Variants in PTPRD observed in about 807,000 individuals in gnomAD.
The protein encoded by PTPRD is protein tyrosine phosphatase receptor type D, also known as receptor-type tyrosine-protein phosphatase delta.
Under a neutral mutation model 214.5 loss-of-function variants are expected in PTPRD, and 34 were observed. The ratio of observed to expected loss-of-function variants is 0.16; its 90% CI spans 0.12 to 0.21. The LOEUF is 0.21. Among genes scored for constraint, PTPRD ranks in the 10% least tolerant of loss-of-function variants. The probability of loss-of-function intolerance (pLI) is 1.00; values close to 1 mark genes in which losing one functional copy is unlikely to be tolerated. For missense variants in PTPRD, 2,545 were observed against 2,398.7 expected, an observed-to-expected ratio of 1.06 and a Z score of -1.27; for synonymous variants, 1,128 against 845.7, an observed-to-expected ratio of 1.33 and a Z score of -5.79.
At chr9:8,582,015 T>G (rs545899950) in intron 14 of PTPRD, among the ~76,000 whole-genome samples, 9 of 151,110 alleles carry the variant, frequency 6.0e-5, no homozygotes, top group Non-Finnish European at 1.0e-4. Context: ...AAAGTTTATG[T>G]CTATAAATTT....
intron 3 of PTPRD, among the ~76,000 whole-genome samples, chr9:10,227,860 T>G (rs2099594255): frequency 6.6e-6 from 1 of 151,900 alleles, no homozygotes; most frequent in Admixed American, 6.6e-5. Context: ...TTATTTGCTT[T>G]GTCCGGCCCT....
intron 9 of PTPRD, among the ~76,000 whole-genome samples, chr9:9,221,935 G>A (rs1350497579): frequency 1.3e-5 from 2 of 152,000 alleles, no homozygotes; most frequent in African/African-American, 4.8e-5. Context: ...GACCTACTGA[G>A]TCACAATCTG....
intron 9 of PTPRD, among the ~76,000 whole-genome samples, chr9:9,310,597 C>A (rs960423332): frequency 6.6e-6 from 1 of 152,096 alleles, no homozygotes; most frequent in Admixed American, 6.6e-5. Context: ...TGAATGCCTA[C>A]TATATGTAAA....
chr9:10,257,122 T>C (rs1186839349), intron 3 of PTPRD, among the ~76,000 whole-genome samples: 1 of 152,172 alleles, frequency 6.6e-6, no homozygotes, highest in African/African-American at 2.4e-5. Context: ...GCTGGCATAA[T>C]GCTCAGTAAA....
At chr9:8,415,519 A>G (rs1197611156) in intron 35 of PTPRD, among the ~76,000 whole-genome samples, 3 of 152,136 alleles carry the variant, frequency 2.0e-5, no homozygotes, top group African/African-American at 4.8e-5. Context: ...AAATGTAATT[A>G]TGTCATAATT....
intron 5 of PTPRD, among the ~76,000 whole-genome samples, chr9:9,914,681 T>C (rs1472934395): frequency 6.6e-6 from 1 of 152,012 alleles, no homozygotes; most frequent in South Asian, 2.1e-4. Context: ...CAAGAGAGCA[T>C]GTGATTGTAT....
intron 9 of PTPRD, among the ~76,000 whole-genome samples, chr9:9,275,833 A>ATGTG (rs71500979): frequency 0.086 from 12,252 of 143,214 alleles, 570 homozygotes; most frequent in Middle Eastern, 0.16. Flanking sequence ...GTGTGTGTGT[A>ATGTG]TGTGTGTGTG....
rs896637327 is a variant in PTPRD, at chr9:10,070,900, C to G, written c.-544-37110G>C. On this transcript the variant is annotated intron_variant, in intron 3 of 45. Coordinates refer to ENST00000381196, the MANE Select transcript of PTPRD (RefSeq NM_002839.4). ...TAGAGTCATGAGTCCACAAAAATCC[C>G]TAGAATGAGCAAGTGAGTACAGCAA... is the stretch of plus-strand genomic sequence containing the variant. Among the ~76,000 whole-genome samples, 3 of 151,964 alleles carry G rather than the reference C, an allele frequency of 2.0e-5. No homozygotes were observed. The East Asian group carries it at 5.8e-4, about 30-fold the overall frequency.
intron 11 of PTPRD, among the ~76,000 whole-genome samples, chr9:8,817,112 A>C (rs1234041263): frequency 6.6e-6 from 1 of 152,190 alleles, no homozygotes; most frequent in Non-Finnish European, 1.5e-5. Flanking sequence ...TACGGCCTTA[A>C]ATTTGAAGGC....
rs1231218886 is a variant in PTPRD at position 10,612,753 on chromosome 9, A to C, written c.-773T>G. The C allele has an allele frequency of 1.3e-5, 2 of 152,374 alleles. No homozygotes were observed. Among genetic ancestry groups the C allele is most frequent in the East Asian group, 3.9e-4 (2 of 5,122 alleles). The allele number at this position is 152,374 out of a possible 1,614,324, so 9.4% of individuals were successfully genotyped here. The stretch of plus-strand genomic sequence containing the variant: ...GGAGGGGAGGAGGCTCGGGAGGAGG[A>C]GGAGAAAGAGCAGCGGGAGGACTCG... On this transcript the variant is annotated 5_prime_UTR_variant, in exon 1 of 46. Transcript: ENST00000381196.
intron 10 of PTPRD, among the ~76,000 whole-genome samples, chr9:9,058,140 TAA>T (rs2099699713): frequency 6.6e-6 from 1 of 152,166 alleles, no homozygotes. Context: ...AATAAGTATT[TAA>T]ATATTGAAGA....
At chr9:9,462,535 G>C (rs1383903019) in intron 8 of PTPRD, among the ~76,000 whole-genome samples, 1 of 152,118 alleles carries the variant, frequency 6.6e-6, no homozygotes, top group Non-Finnish European at 1.5e-5. Flanking sequence ...TTTTAAAACA[G>C]ATAATTTAAT....
chr9:9,868,973 G>A (rs762860581), intron 5 of PTPRD, among the ~76,000 whole-genome samples: 4 of 152,064 alleles, frequency 2.6e-5, no homozygotes, highest in East Asian at 1.9e-4. Context: ...AAGGATTCAG[G>A]GACTATATCA....
rs1555302230 is a variant in PTPRD, at chr9:9,900,641, GT to G, written c.-368+37865del. Among the ~76,000 whole-genome samples, 390 of 120,016 alleles carry G rather than the reference GT, an allele frequency of 3.2e-3. 2 individuals are homozygous for G. Among genetic ancestry groups the G allele is most frequent in the Non-Finnish European group, 3.6e-3 (196 of 54,784 alleles). 78.7% of individuals were successfully genotyped at this position (120,016 alleles called of 152,430 possible). ...TCCAAAGGTGCTTCCACATTTTCAG[GT>G]TTTTTTTTTTTTTGAGATGGAGTCT... On this transcript the variant is annotated intron_variant, in intron 5 of 45. Transcript: ENST00000381196.
chr9:9,794,203 A>G (rs112049121), intron 5 of PTPRD, among the ~76,000 whole-genome samples: 2,953 of 147,040 alleles, frequency 0.02, 97 homozygotes, highest in African/African-American at 0.069. Context: ...GTGTGTGTGT[A>G]TATATATATA....
At chr9:9,172,942 C>T (rs1451866004) in intron 10 of PTPRD, among the ~76,000 whole-genome samples, 1 of 152,112 alleles carries the variant, frequency 6.6e-6, no homozygotes, top group East Asian at 1.9e-4. Flanking sequence ...AGTGAAAGAT[C>T]ATCTTCTGTT....
chr9:10,118,871 T>A (rs1311871666), intron 3 of PTPRD, among the ~76,000 whole-genome samples: 1 of 28,438 alleles, frequency 3.5e-5, no homozygotes, highest in East Asian at 6.1e-4. Flanking sequence ...ACACCAAAAA[T>A]AAATAAATAA....
At chr9:8,443,161 T>A (rs980908698) in intron 34 of PTPRD, among the ~76,000 whole-genome samples, 1 of 152,180 alleles carries the variant, frequency 6.6e-6, no homozygotes, top group African/African-American at 2.4e-5. Context: ...TTTTAAAAAA[T>A]TTTTGTAAAA....
intron 14 of PTPRD, among the ~76,000 whole-genome samples, chr9:8,561,821 T>C (rs2086501637): frequency 6.6e-6 from 1 of 151,808 alleles, no homozygotes; most frequent in South Asian, 2.1e-4. Flanking sequence ...GGTTGAGATG[T>C]CCAAATATAC....
Sources: gnomAD v4.1 joint callset for allele counts (sites outside exome capture counted in the v4.1 genomes callset) on GRCh38, gnomAD v4.1.1 for gene constraint, MANE v1.5 for transcripts, NCBI Gene and HGNC (gene_info 2026-07-23, HGNC 2026-07-21) for gene names.